The following OSBPL9 variants were observed in gnomAD, a reference collection of about 807,000 sequenced individuals.
The protein encoded by OSBPL9 is oxysterol binding protein like 9.
A neutral mutation model predicts 106.6 loss-of-function variants in OSBPL9; 40 were observed. The ratio of observed to expected loss-of-function variants is 0.38; its 90% CI spans 0.29 to 0.49. The LOEUF is 0.49. Ranked by LOEUF, OSBPL9 falls within the 20% of genes least tolerant of loss-of-function variation. The pLI, the probability that OSBPL9 is intolerant of heterozygous loss-of-function variation, is 0.97. For synonymous variants in OSBPL9, 269 were observed against 295.4 expected (o/e 0.91, Z 0.92); for missense variants, 609 against 887.2 (o/e 0.69, Z 3.98).
At chr1:51,523,186 G>A in the OSBPL9 span, among the ~76,000 whole-genome samples, 2 of 152,144 alleles carry the variant, frequency 1.3e-5, no homozygotes, top group Non-Finnish European at 2.9e-5. Flanking sequence ...AAAAGTAGAT[G>A]TTCCCTAGGT....
At chr1:51,712,061 C>G (rs547966988) in intron 3 of OSBPL9, among the ~76,000 whole-genome samples, 1 of 150,908 alleles carries the variant, frequency 6.6e-6, no homozygotes, top group African/African-American at 2.4e-5. Flanking sequence ...CCAAGGCAGG[C>G]GGCTGGGAGG....
intron 4 of OSBPL9, among the ~76,000 whole-genome samples, chr1:51,736,464 G>C (rs1430983316): frequency 2.0e-5 from 3 of 152,114 alleles, no homozygotes; most frequent in Non-Finnish European, 2.9e-5. Context: ...CACCTTGAGT[G>C]TTAATTTGTC....
chr1:51,616,476 C>T (rs1167196368), upstream of OSBPL9, among the ~76,000 whole-genome samples: 1 of 152,174 alleles, frequency 6.6e-6, no homozygotes, highest in Admixed American at 6.5e-5. Flanking sequence ...AAGGCTCTTC[C>T]ACCAGGCTCC....
chr1:51,772,245 G>T, intron 13 of OSBPL9, 63 bp downstream of exon 13: 1 of 1,354,550 alleles, frequency 7.4e-7, no homozygotes, highest in Admixed American at 2.0e-5. Context: ...AGATGTGGTG[G>T]CTCATGCCGT....
intron 2 of OSBPL9, among the ~76,000 whole-genome samples, chr1:51,658,112 A>G (rs978881265): frequency 1.4e-5 from 2 of 139,092 alleles, no homozygotes; most frequent in Admixed American, 1.4e-4. Context: ...TGTCTCAAAG[A>G]AAAAAAAAAA....
chr1:51,676,793 C>A (rs1468387367), intron 3 of OSBPL9, among the ~76,000 whole-genome samples: 1 of 151,484 alleles, frequency 6.6e-6, no homozygotes, highest in African/African-American at 2.4e-5. Flanking sequence ...ATGATAAATA[C>A]AATTTTAAAA....
In OSBPL9 at chr1:51,788,192, G is replaced by A. The variant is rs1045785; in HGVS notation, c.*403G>A. 37,781 of 169,192 alleles carry A rather than the reference G, an allele frequency of 0.22. 5,680 individuals carry two copies. Among genetic ancestry groups the A allele is most frequent in the African/African-American group, 0.43 (17,947 of 41,640 alleles). The allele number at this position is 169,192 out of a possible 1,614,324, so 10.5% of individuals were successfully genotyped here. ...CACACATATATATACACACACATAC[G>A]TATACACACACATACATATATATAA... On this transcript the variant is annotated 3_prime_UTR_variant, in exon 24 of 24. Transcript: ENST00000428468.
intron 2 of OSBPL9, among the ~76,000 whole-genome samples, chr1:51,667,253 C>T (rs868684951): frequency 6.6e-6 from 1 of 152,014 alleles, no homozygotes; most frequent in Admixed American, 6.6e-5. Flanking sequence ...CTTGGAGTAT[C>T]CAATTTATGT....
chr1:51,674,831 CT>C (rs1246714465), intron 3 of OSBPL9, among the ~76,000 whole-genome samples: 1 of 152,170 alleles, frequency 6.6e-6, no homozygotes, highest in Non-Finnish European at 1.5e-5. Context: ...AATCTTTTGC[CT>C]TCCCTGGGCC....
chr1:51,530,180 AAAAAAAAAAAAAC>A, the OSBPL9 span, among the ~76,000 whole-genome samples: 90 of 114,430 alleles, frequency 7.9e-4, 7 homozygotes, highest in African/African-American at 2.4e-3. Context: ...CAAAAAAAAA[AAAAAAAAAAAAAC>A]AAAAAAAAAA....
chr1:51,619,532 G>A (rs149430433), intron 1 of OSBPL9, among the ~76,000 whole-genome samples: 117 of 152,234 alleles, frequency 7.7e-4, no homozygotes, highest in Non-Finnish European at 1.4e-3. Context: ...GAGGAAGGAA[G>A]TATCATATTT....
At chr1:51,771,236 A>C (rs555580590) in intron 12 of OSBPL9, among the ~76,000 whole-genome samples, 1 of 151,788 alleles carries the variant, frequency 6.6e-6, no homozygotes, top group Non-Finnish European at 1.5e-5. Flanking sequence ...AATAAGACTC[A>C]TGTGTACTGT....
chr1:51,781,513 G>A, intron 16 of OSBPL9, 178 bp downstream of exon 16: 1 of 614,268 alleles, frequency 1.6e-6, no homozygotes, highest in South Asian at 2.2e-5. Flanking sequence ...AGAGTAGGAT[G>A]AGATGAGGAT....
At chr1:51,760,648 G>A in intron 9 of OSBPL9, 42 bp from the exon 10 acceptor site, 1 of 1,611,926 alleles carries the variant, frequency 6.2e-7, no homozygotes, top group Non-Finnish European at 8.5e-7. Flanking sequence ...CATGAGAAGA[G>A]CATTTAATTA....
At chr1:51,573,573 T>C (rs1645165403), upstream of OSBPL9, among the ~76,000 whole-genome samples, 1 of 150,316 alleles carries the variant, frequency 6.7e-6, no homozygotes, top group Non-Finnish European at 1.5e-5. Flanking sequence ...CCCAGCATTT[T>C]GGGAGGCTAA....
At chr1:51,582,527 A>T (rs1422883426) in intron 1 of OSBPL9, among the ~76,000 whole-genome samples, 1 of 152,004 alleles carries the variant, frequency 6.6e-6, no homozygotes, top group African/African-American at 2.4e-5. Context: ...ACGGGGTTTC[A>T]CCATGTTGGC....
chr1:51,725,005 C>T (rs1662858816), intron 4 of OSBPL9: 1 of 152,250 alleles, frequency 6.6e-6, no homozygotes, highest in African/African-American at 2.4e-5. Flanking sequence ...AATTCTCTGT[C>T]ATTGTTTCAA....
At chr1:51,724,690 T>C (rs1311625631) in intron 4 of OSBPL9, 1 of 153,030 alleles carries the variant, frequency 6.5e-6, no homozygotes, top group Admixed American at 6.5e-5. Flanking sequence ...CTCTCAGGAT[T>C]TTTTTCTTTA....
chr1:51,555,762 G>A, the OSBPL9 span, among the ~76,000 whole-genome samples: 161 of 151,880 alleles, frequency 1.1e-3, no homozygotes, highest in Non-Finnish European at 2.1e-3. Context: ...GTAGAGACAG[G>A]GTTTCACCAT....
Sources: gnomAD v4.1 joint callset for allele counts (sites outside exome capture counted in the v4.1 genomes callset) on GRCh38, gnomAD v4.1.1 for gene constraint, MANE v1.5 for transcripts, NCBI Gene and HGNC (gene_info 2026-07-23, HGNC 2026-07-21) for gene names.